SH3KBP1: variants seen among roughly 807,000 people sequenced by gnomAD.
SH3KBP1 encodes the protein SH3 domain-containing kinase-binding protein 1.
A neutral mutation model predicts 50.1 loss-of-function variants in SH3KBP1; 8 were observed. The observed-to-expected ratio is 0.16, with a 90% CI of 0.09 to 0.29. The LOEUF (loss-of-function observed/expected upper bound fraction) is 0.29. Ranked by LOEUF, SH3KBP1 falls within the 10% of genes least tolerant of loss-of-function variation. The pLI is 1.00. For missense variants in SH3KBP1, 377 were observed against 535.2 expected, an observed-to-expected ratio of 0.70 and a Z score of 2.92; for synonymous variants, 227 against 218.6, an observed-to-expected ratio of 1.04 and a Z score of -0.34.
At chrX:19,554,143 A>G (rs1248000509) in intron 13 of SH3KBP1, among the ~76,000 whole-genome samples, 7 of 77,617 alleles carry the variant, frequency 9.0e-5, no homozygotes, top group Admixed American at 2.0e-4. Flanking sequence ...ATTAAAATAT[A>G]TTATATATCA....
intron 2 of SH3KBP1, among the ~76,000 whole-genome samples, chrX:19,749,429 T>A (rs1013271293): frequency 1.8e-5 from 2 of 112,735 alleles, no homozygotes; most frequent in African/African-American, 6.5e-5. Flanking sequence ...CATTAAGAGA[T>A]GAATGGATAA....
chrX:19,632,017 G>A (rs2061589852), intron 7 of SH3KBP1, 59 bp from the exon 8 acceptor site: 15 of 729,256 alleles, frequency 2.1e-5, no homozygotes, highest in Non-Finnish European at 3.1e-5. Flanking sequence ...GCTGGCCCAG[G>A]AGAAAATGAT....
intron 3 of SH3KBP1, among the ~76,000 whole-genome samples, chrX:19,707,394 G>T (rs2063673560): frequency 8.9e-6 from 1 of 111,855 alleles, no homozygotes; most frequent in African/African-American, 3.3e-5. Flanking sequence ...AAGGCAGAGG[G>T]GATTTTTCTA....
At chrX:19,754,688 C>T (rs763938665) in intron 2 of SH3KBP1, among the ~76,000 whole-genome samples, 10 of 111,164 alleles carry the variant, frequency 9.0e-5, no homozygotes, top group African/African-American at 3.3e-4. Flanking sequence ...AGGCTGGTCT[C>T]GAATTCCTGA....
At chrX:19,779,747 G>A (rs1458531479) in intron 2 of SH3KBP1, among the ~76,000 whole-genome samples, 1 of 106,252 alleles carries the variant, frequency 9.4e-6, no homozygotes, top group Non-Finnish European at 1.9e-5. Context: ...TCCCTACAAA[G>A]GACATGAACT....
At chrX:19,861,017 T>C (rs2068761589) in intron 1 of SH3KBP1, among the ~76,000 whole-genome samples, 1 of 111,643 alleles carries the variant, frequency 9.0e-6, no homozygotes, top group Middle Eastern at 4.7e-3. Context: ...AAGGGATATA[T>C]GGAAACTATA....
intron 12 of SH3KBP1, among the ~76,000 whole-genome samples, chrX:19,582,456 C>T (rs896848417): frequency 8.9e-6 from 1 of 112,141 alleles, no homozygotes. Flanking sequence ...CCTCCTTCCT[C>T]GGTATCTTCA....
chrX:19,648,449 AAGG>A (rs2062042165), intron 6 of SH3KBP1, among the ~76,000 whole-genome samples: 1 of 98,254 alleles, frequency 1.0e-5, no homozygotes, highest in Non-Finnish European at 2.0e-5. Context: ...GGAAGGAGGG[AAGG>A]AGGGAGGGAA....
intron 13 of SH3KBP1, among the ~76,000 whole-genome samples, chrX:19,560,078 G>A (rs1466365512): frequency 9.1e-6 from 1 of 110,271 alleles, no homozygotes; most frequent in Non-Finnish European, 1.9e-5. Context: ...TTGAGCCCAG[G>A]AGTTCAAGTC....
intron 2 of SH3KBP1, among the ~76,000 whole-genome samples, chrX:19,755,957 T>A (rs750372501): frequency 2.7e-5 from 3 of 111,499 alleles, no homozygotes; most frequent in South Asian, 7.6e-4. Context: ...CTTAGAGTTG[T>A]GAGCCCTTAA....
At chrX:19,867,724 C>T (rs1402880736) in intron 1 of SH3KBP1, among the ~76,000 whole-genome samples, 3 of 111,120 alleles carry the variant, frequency 2.7e-5, no homozygotes, top group African/African-American at 9.9e-5. Context: ...ACAAATGAGT[C>T]TTGCTGGCCC....
chrX:19,667,775 T>C (rs1474807793), intron 6 of SH3KBP1, among the ~76,000 whole-genome samples: 1 of 109,694 alleles, frequency 9.1e-6, no homozygotes, highest in Non-Finnish European at 1.9e-5. Flanking sequence ...AAGTTAAGTG[T>C]ATAGGATTCA....
At chrX:19,820,381 T>C (rs1293539937) in intron 2 of SH3KBP1, among the ~76,000 whole-genome samples, 2 of 111,583 alleles carry the variant, frequency 1.8e-5, no homozygotes, top group African/African-American at 6.5e-5. Context: ...ATGTTGCAGC[T>C]CTGTTGCTTG....
chrX:19,827,208 G>T (rs1364108799), intron 2 of SH3KBP1, among the ~76,000 whole-genome samples: 1 of 112,186 alleles, frequency 8.9e-6, no homozygotes, highest in Non-Finnish European at 1.9e-5. Flanking sequence ...CATGCAAGCT[G>T]CAAGTGTACA....
chrX:19,735,560 T>C (rs2064526114), intron 3 of SH3KBP1, among the ~76,000 whole-genome samples: 1 of 110,315 alleles, frequency 9.1e-6, no homozygotes, highest in Admixed American at 9.7e-5. Context: ...GAATTCTTCT[T>C]TGGCTCATTG....
chrX:19,595,590 GTTT>G (rs397943096), intron 9 of SH3KBP1, among the ~76,000 whole-genome samples: 1 of 92,793 alleles, frequency 1.1e-5, no homozygotes, highest in South Asian at 4.8e-4. Context: ...TTTTTGGTTT[GTTT>G]TTTTTTTTTT....
intron 6 of SH3KBP1, among the ~76,000 whole-genome samples, chrX:19,654,967 A>C: frequency 8.9e-6 from 1 of 112,057 alleles, no homozygotes; most frequent in Non-Finnish European, 1.9e-5. Flanking sequence ...GTATTCAATC[A>C]TGACATAATC....
intron 6 of SH3KBP1, among the ~76,000 whole-genome samples, chrX:19,650,765 A>T (rs1335257085): frequency 8.9e-6 from 1 of 111,996 alleles, no homozygotes; most frequent in African/African-American, 3.3e-5. Flanking sequence ...GAGGCAGGAA[A>T]GTGGGGAAAA....
At chrX:19,754,762 G>A (rs372492640) in intron 2 of SH3KBP1, among the ~76,000 whole-genome samples, 1 of 111,872 alleles carries the variant, frequency 8.9e-6, no homozygotes, top group South Asian at 3.7e-4. Context: ...ATGGAGATCT[G>A]TATCATCCCT....
Sources: allele counts gnomAD v4.1 joint callset (sites outside exome capture counted in the v4.1 genomes callset), GRCh38; gene constraint gnomAD v4.1.1; transcripts MANE v1.5; gene names NCBI Gene and HGNC (gene_info 2026-07-23, HGNC 2026-07-21).